The following SLCO1C1 variants were observed in gnomAD, a reference collection of about 807,000 sequenced individuals.
SLCO1C1 encodes OAT-RP-5.
In SLCO1C1, 70 loss-of-function variants were observed where a neutral mutation model predicts 76.4. The ratio of observed to expected loss-of-function variants is 0.92; its 90% CI spans 0.76 to 1.12. SLCO1C1 has a LOEUF of 1.12. Among genes scored for constraint, SLCO1C1 ranks in the 50% most tolerant of loss-of-function variants. The pLI, the probability that SLCO1C1 is intolerant of heterozygous loss-of-function variation, is 0.00. For missense variants in SLCO1C1, 912 were observed against 823.8 expected (o/e 1.11, Z -1.31); for synonymous variants, 306 against 286.1 (o/e 1.07, Z -0.70).
At chr12:20,706,204 C>G (rs1946768247) in intron 4 of SLCO1C1, 123 bp downstream of exon 4, 1 of 1,218,236 alleles carries the variant, frequency 8.2e-7, no homozygotes, top group Non-Finnish European at 1.1e-6. Context: ...ACTTTTATTA[C>G]ATTCTCTTTG....
chr12:20,699,651 T>C lies in SLCO1C1; in HGVS notation c.75T>C (p.Phe25=). 11 of 1,612,530 alleles carry C rather than the reference T, an allele frequency of 6.8e-6. No individual in the cohort carries two copies. Among genetic ancestry groups the C allele is most frequent in the Non-Finnish European group, 9.3e-6 (11 of 1,179,162 alleles). Residue 25 remains phenylalanine (F), a synonymous_variant, in exon 2 of 15, where the codon TTT becomes TTC. Coordinates refer to ENST00000266509, the MANE Select transcript of SLCO1C1 (RefSeq NM_017435.5). ...TSVQPVGRPS[F]KTEYPSSEEK... ...TGCAACCTGTTGGAAGGCCTTCTTT[T>C]AAAACAGAATATCCCTCCTCAGAAG...
intron 3 of SLCO1C1, among the ~76,000 whole-genome samples, chr12:20,701,706 A>G (rs1320500864): frequency 6.6e-6 from 1 of 151,744 alleles, no homozygotes; most frequent in Admixed American, 6.6e-5. Context: ...AGAGTTCTAC[A>G]TCAGAGTAAG....
At position 20,701,215 on chromosome 12, in the gene SLCO1C1, A is replaced by G. The variant is rs1034365119; in HGVS notation, c.130-103A>G. ...AGTGATAATAAAGTTGATATTATAC[A>G]TTGTTCTTTGTTGTTTGTTTTGTAT... On this transcript the variant is annotated intron_variant, in intron 2 of 14. Coordinates refer to ENST00000266509, the MANE Select transcript of SLCO1C1 (RefSeq NM_017435.5). The G allele has an allele frequency of 2.9e-5, 34 of 1,169,052 alleles. 1 individual carries two copies. The Admixed American group carries it at 9.0e-4, about 31-fold the overall frequency. The allele number at this position is 1,169,052 out of a possible 1,614,324, so 72.4% of individuals were successfully genotyped here. A position where few individuals can be genotyped will look rare whatever the true frequency, so the allele number is the denominator to read the frequency against.
rs577871134 is a variant in SLCO1C1, at chr12:20,723,220, T to C, written c.1152T>C (p.Tyr384=). ...AACCAAAGTACATTGAGCAGCAGTATGGACAGTCATCCTCCAGGGCCAACT... is the reference window on the plus strand; with the variant it reads ...AACCAAAGTACATTGAGCAGCAGTACGGACAGTCATCCTCCAGGGCCAACT... ...TYKPKYIEQQ[Y]GQSSSRANFV... The change falls in exon 9 of 15, where the codon TAT becomes TAC. Residue 384 remains tyrosine, a synonymous_variant. Transcript: ENST00000266509. 3 of 1,613,938 alleles carry C rather than the reference T, an allele frequency of 1.9e-6. No individual in the cohort carries two copies. Among genetic ancestry groups the C allele is most frequent in the South Asian group, 2.2e-5 (2 of 91,002 alleles).
chr12:20,696,972 A>G (rs899879551), intron 1 of SLCO1C1: 1 of 152,118 alleles, frequency 6.6e-6, no homozygotes, highest in African/African-American at 2.4e-5. Flanking sequence ...AACTGAGATG[A>G]CTATATTTAT....
chr12:20,713,446 G>A (rs139349722), intron 5 of SLCO1C1, among the ~76,000 whole-genome samples: 3 of 152,344 alleles, frequency 2.0e-5, no homozygotes, highest in African/African-American at 4.8e-5. Context: ...AAGGTGAAAG[G>A]TGAAACATAG....
intron 10 of SLCO1C1, among the ~76,000 whole-genome samples, chr12:20,735,096 G>A (rs1423858113): frequency 6.6e-6 from 1 of 152,096 alleles, no homozygotes; most frequent in Non-Finnish European, 1.5e-5. Context: ...TCCTGCCCCT[G>A]ATGATAAATT....
chr12:20,698,929 T>C (rs1437033284), intron 1 of SLCO1C1, among the ~76,000 whole-genome samples: 2 of 152,018 alleles, frequency 1.3e-5, no homozygotes, highest in African/African-American at 2.4e-5. Flanking sequence ...CTGTCTTTTT[T>C]ACTTTAAGGC....
In SLCO1C1 at chr12:20,717,753, T is replaced by C. The variant is rs897811652; in HGVS notation, c.775+523T>C. Among the ~76,000 whole-genome samples the C allele has an allele frequency of 2.0e-4, 30 of 149,006 alleles. 1 individual carries two copies. Among genetic ancestry groups the C allele is most frequent in the African/African-American group, 6.9e-4 (28 of 40,330 alleles). On this transcript the variant is annotated intron_variant, in intron 7 of 14. Coordinates refer to ENST00000266509, the MANE Select transcript of SLCO1C1 (RefSeq NM_017435.5). The stretch of plus-strand genomic sequence containing the variant: ...AGCACATTATCGAGGAAGACTGGCT[T>C]TTCTTCTGGGACGTTGCTTGTGTAG...
intron 1 of SLCO1C1, among the ~76,000 whole-genome samples, chr12:20,697,985 C>T (rs1946341431): frequency 6.6e-6 from 1 of 151,966 alleles, no homozygotes; most frequent in Non-Finnish European, 1.5e-5. Flanking sequence ...TCCTTAGTAT[C>T]TTTGTTTAGG....
At chr12:20,712,514 C>G (rs866969526) in intron 5 of SLCO1C1, among the ~76,000 whole-genome samples, 21 of 152,124 alleles carry the variant, frequency 1.4e-4, no homozygotes, top group African/African-American at 4.6e-4. Flanking sequence ...CTTCTCCCTT[C>G]AGCTTCCCTT....
At position 20,740,803 on chromosome 12, in the gene SLCO1C1, ATATATATATATATATG is replaced by A. The variant is rs1456542755; in HGVS notation, c.1733+436_1733+451del. On this transcript the variant is annotated intron_variant, in intron 12 of 14. Transcript: ENST00000266509. ...TTATTTTATTTATATATATATATAT[ATATATATATATATATG>A]GCTTTATCTGTATATTTTTGCCATG... Among the ~76,000 whole-genome samples, 59 of 127,068 alleles carry A rather than the reference ATATATATATATATATG, an allele frequency of 4.6e-4. 5 individuals carry two copies. The highest frequency in any genetic ancestry group is 8.3e-3 in the Middle Eastern group (2 of 242). 83.4% of individuals were successfully genotyped at this position (127,068 alleles called of 152,430 possible). A position where few individuals can be genotyped will look rare whatever the true frequency, so the allele number is the denominator to read the frequency against.
At position 20,711,487 on chromosome 12, in the gene SLCO1C1, A is replaced by T. The variant is rs1947096669; in HGVS notation, c.506A>T (p.Lys169Ile). The change falls in exon 5 of 15, where the codon AAA becomes ATA. Residue 169 changes from lysine (K) to isoleucine (I), a missense_variant. By Grantham distance (102) the Lys-to-Ile change is moderately radical. Transcript: ENST00000266509. ...SSQLPVSVMEKSKSKISNECE... is the reference protein window; with the variant it reads ...SSQLPVSVMEISKSKISNECE... ...CAATTACCAGTTTCAGTTATGGAAA[A>T]ATCAAAATCCAAAATAAGTAACGGT... 1 of 1,613,776 alleles carries T rather than the reference A, an allele frequency of 6.2e-7. No homozygotes were observed. The highest frequency in any genetic ancestry group is 8.5e-7 in the Non-Finnish European group (1 of 1,179,888).
Position 20,743,369 on chromosome 12 carries a change from G to A in SLCO1C1, c.1798G>A (p.Ala600Thr). 6.2e-7 allele frequency: 1 copy of A among 1,611,088 alleles called. No homozygotes were observed. Among genetic ancestry groups the A allele is most frequent in the Non-Finnish European group, 8.5e-7 (1 of 1,178,104 alleles). The change falls in exon 13 of 15, where the codon GCA becomes ACA. Residue 600 changes from alanine (A) to threonine (T), a missense_variant and splice_region_variant. Ala to Thr is a moderately conservative substitution (Grantham distance 58). Transcript: ENST00000266509. ...CTACACATTAGCAATAAGAGTTCTT[G>A]GTAAGTTTAACCTATGCTTTAATTT... ...GIYTLAIRVL[A>T]GIPAPVYFGV...
intron 13 of SLCO1C1, among the ~76,000 whole-genome samples, chr12:20,749,615 C>G (rs558347701): frequency 1.3e-5 from 2 of 152,194 alleles, no homozygotes. Context: ...TGAACAACTG[C>G]TTAAGATACT....
chr12:20,741,093 C>T (rs1291086109), intron 12 of SLCO1C1, among the ~76,000 whole-genome samples: 2 of 151,742 alleles, frequency 1.3e-5, no homozygotes, highest in Non-Finnish European at 2.9e-5. Flanking sequence ...GAGAGAAGTA[C>T]AGAGGGAAGA....
intron 5 of SLCO1C1, among the ~76,000 whole-genome samples, chr12:20,712,261 T>C (rs1357622311): frequency 6.6e-6 from 1 of 152,212 alleles, no homozygotes; most frequent in African/African-American, 2.4e-5. Context: ...GACACAGCAA[T>C]GCTTTGTCTG....
rs36010656 is a variant in SLCO1C1, at chr12:20,711,408, C to T, written c.427C>T (p.Pro143Ser). ...MEQYKYERYS[P>S]SSNSTLSISP... ...CAGGTACAAATATGAGAGATATTCT[C>T]CTTCCTCCAATTCCACTCTCAGCAT... Residue 143 changes from proline (P) to serine (S), a missense_variant, in exon 5 of 15, where the codon CCT becomes TCT. Physicochemically the swap from Pro to Ser is moderately conservative, Grantham distance 74. Coordinates refer to ENST00000266509, the MANE Select transcript of SLCO1C1 (RefSeq NM_017435.5). 5.6e-6 allele frequency: 9 copies of T among 1,612,908 alleles called. No homozygotes were observed. Among genetic ancestry groups the T allele is most frequent in the African/African-American group, 1.3e-5 (1 of 75,008 alleles).
chr12:20,707,202 A>G (rs993315206), intron 4 of SLCO1C1, among the ~76,000 whole-genome samples: 2 of 152,074 alleles, frequency 1.3e-5, no homozygotes, highest in Non-Finnish European at 2.9e-5. Flanking sequence ...TTTGGACAAC[A>G]TCCTTTCATA....
Sources: allele counts gnomAD v4.1 joint callset (sites outside exome capture counted in the v4.1 genomes callset), GRCh38; gene constraint gnomAD v4.1.1; transcripts MANE v1.5; gene names NCBI Gene and HGNC (gene_info 2026-07-23, HGNC 2026-07-21).